Variants in GABRG2 observed in about 807,000 individuals in gnomAD.
GABRG2 encodes the protein gamma-aminobutyric acid type A receptor subunit gamma2.
GABRG2 carries 16 observed loss-of-function variants against 56.4 expected under a neutral mutation model. The observed-to-expected ratio is 0.28, with a 90% CI of 0.19 to 0.43. GABRG2 has a LOEUF of 0.43. Among genes scored for constraint, GABRG2 ranks in the 20% least tolerant of loss-of-function variants. The pLI is 1.00. For missense variants in GABRG2, 327 were observed against 582.7 expected, an observed-to-expected ratio of 0.56 and a Z score of 4.52; for synonymous variants, 208 against 205.5, an observed-to-expected ratio of 1.01 and a Z score of -0.10.
intron 6 of GABRG2, among the ~76,000 whole-genome samples, chr5:162,108,854 A>G (rs1762022406): frequency 6.6e-6 from 1 of 152,156 alleles, no homozygotes; most frequent in African/African-American, 2.4e-5. Context: ...CACCTTAAGA[A>G]AACATGATTT....
At chr5:162,115,494 G>C (rs923229294) in intron 6 of GABRG2, among the ~76,000 whole-genome samples, 1 of 152,118 alleles carries the variant, frequency 6.6e-6, no homozygotes, top group Non-Finnish European at 1.5e-5. Context: ...TGTTGCCATA[G>C]AGATGGTTGA....
At chr5:162,118,682 G>GGA (rs1423940974) in intron 6 of GABRG2, among the ~76,000 whole-genome samples, 1 of 152,012 alleles carries the variant, frequency 6.6e-6, no homozygotes, top group East Asian at 1.9e-4. Context: ...AACTCCACAA[G>GGA]GAACAAGGCT....
chr5:162,075,845 G>C (rs1759057498), intron 1 of GABRG2, among the ~76,000 whole-genome samples: 1 of 152,020 alleles, frequency 6.6e-6, no homozygotes, highest in South Asian at 2.1e-4. Context: ...CTTGATCAGG[G>C]TTCAGTTTGA....
At chr5:162,067,516 T>G, upstream of GABRG2, 1 of 427,208 alleles carries the variant, frequency 2.3e-6, no homozygotes, top group Non-Finnish European at 4.1e-6. Flanking sequence ...TCACGCAGAG[T>G]CTCTAGTGAT....
chr5:162,101,347 C>G, intron 5 of GABRG2, 30 bp downstream of exon 5: 2 of 1,355,386 alleles, frequency 1.5e-6, no homozygotes, highest in South Asian at 1.2e-5. Context: ...CATTTGTATC[C>G]TCCCTCACCT....
At chr5:162,121,728 A>C (rs764849559) in intron 6 of GABRG2, among the ~76,000 whole-genome samples, 23 of 151,998 alleles carry the variant, frequency 1.5e-4, no homozygotes, top group Non-Finnish European at 2.4e-4. Context: ...CTTTTTAAAG[A>C]CATGCTGGAG....
intron 1 of GABRG2, among the ~76,000 whole-genome samples, chr5:162,084,495 C>T (rs952228747): frequency 6.6e-6 from 1 of 151,770 alleles, no homozygotes; most frequent in Non-Finnish European, 1.5e-5. Flanking sequence ...CTCTTAATTA[C>T]GGCTGCACCT....
intron 6 of GABRG2, among the ~76,000 whole-genome samples, chr5:162,131,212 A>G (rs750235413): frequency 2.6e-4 from 40 of 152,032 alleles, no homozygotes; most frequent in Non-Finnish European, 4.9e-4. Flanking sequence ...GAATATGTGT[A>G]CTATAGACTA....
At chr5:162,103,739 T>C (rs1761605451) in intron 5 of GABRG2, 150 bp from the exon 6 acceptor site, 1 of 791,914 alleles carries the variant, frequency 1.3e-6, no homozygotes, top group Non-Finnish European at 2.1e-6. Flanking sequence ...CAATTTATGT[T>C]CTCATTGCAA....
intron 7 of GABRG2, 56 bp downstream of exon 7, chr5:162,142,372 AT>A: frequency 6.5e-7 from 1 of 1,546,674 alleles, no homozygotes. Flanking sequence ...AATACAAGTA[AT>A]TTTTATGTCC....
chr5:162,082,029 T>C (rs184906932), intron 1 of GABRG2, among the ~76,000 whole-genome samples: 1 of 152,050 alleles, frequency 6.6e-6, no homozygotes, highest in East Asian at 1.9e-4. Context: ...CATTCAGTTT[T>C]CTAGACAAAA....
At chr5:162,109,298 G>A (rs1438026392) in intron 6 of GABRG2, among the ~76,000 whole-genome samples, 5 of 150,780 alleles carry the variant, frequency 3.3e-5, no homozygotes, top group East Asian at 2.0e-4. Flanking sequence ...TGTAAATGAC[G>A]AGTTAATGGG....
intron 6 of GABRG2, among the ~76,000 whole-genome samples, chr5:162,137,734 T>A (rs1764239721): frequency 6.6e-6 from 1 of 152,060 alleles, no homozygotes; most frequent in East Asian, 1.9e-4. Context: ...TTATTTCTTT[T>A]TTTCTTTTTG....
At chr5:162,082,811 A>C (rs1759770134) in intron 1 of GABRG2, among the ~76,000 whole-genome samples, 2 of 151,614 alleles carry the variant, frequency 1.3e-5, no homozygotes, top group Admixed American at 1.3e-4. Flanking sequence ...TAACAACAAG[A>C]AGAAAAAATA....
At chr5:162,151,557 A>G in intron 8 of GABRG2, 173 bp from the exon 9 acceptor site, 1 of 579,450 alleles carries the variant, frequency 1.7e-6, no homozygotes, top group Non-Finnish European at 3.0e-6. Context: ...TTAAGCAAAT[A>G]CTTTATCCCA....
chr5:162,148,937 T>C (rs548863198), intron 7 of GABRG2, among the ~76,000 whole-genome samples, 171 bp from the exon 8 acceptor site: 34 of 152,320 alleles, frequency 2.2e-4, no homozygotes, highest in African/African-American at 7.2e-4. Context: ...TGATACATAG[T>C]AGACAGGCAA....
At chr5:162,122,088 T>A (rs934099673) in intron 6 of GABRG2, among the ~76,000 whole-genome samples, 1 of 151,980 alleles carries the variant, frequency 6.6e-6, no homozygotes, top group African/African-American at 2.4e-5. Context: ...ATTTGTGAAA[T>A]TGGAAGAGTT....
chr5:162,077,111 G>GT (rs1554096614), intron 1 of GABRG2, among the ~76,000 whole-genome samples: 3 of 134,236 alleles, frequency 2.2e-5, no homozygotes, highest in African/African-American at 9.6e-5. Context: ...GTGTGTGTGT[G>GT]ATGTTTCTAT....
intron 9 of GABRG2, chr5:162,152,775 C>T (rs942088398): frequency 1.7e-6 from 1 of 579,450 alleles, no homozygotes; most frequent in Admixed American, 3.0e-5. Context: ...AATGTCACAT[C>T]TAATACTTAC....
Sources: allele counts gnomAD v4.1 joint callset (sites outside exome capture counted in the v4.1 genomes callset), GRCh38; gene constraint gnomAD v4.1.1; transcripts MANE v1.5; gene names NCBI Gene and HGNC (gene_info 2026-07-23, HGNC 2026-07-21).